GPHN: variants seen among roughly 807,000 people sequenced by gnomAD.
GPHN encodes gephyrin.
A neutral mutation model predicts 95.5 loss-of-function variants in GPHN; 17 were observed. That is an observed-to-expected ratio of 0.18 (90% confidence interval 0.12 to 0.27). The LOEUF is 0.27. Among genes scored for constraint, GPHN ranks in the 10% least tolerant of loss-of-function variants. GPHN has a pLI of 1.00. For missense variants in GPHN, 660 were observed against 978.1 expected (o/e 0.67, Z 4.34); for synonymous variants, 320 against 322.5 (o/e 0.99, Z 0.08).
intron 1 of GPHN, among the ~76,000 whole-genome samples, chr14:66,537,156 G>A (rs1184148157): frequency 6.6e-6 from 1 of 151,964 alleles, no homozygotes; most frequent in Admixed American, 6.6e-5. Flanking sequence ...TCTTGGAAAT[G>A]TCATATAGTC....
At chr14:67,564,771 C>T in the GPHN span, among the ~76,000 whole-genome samples, 1 of 151,630 alleles carries the variant, frequency 6.6e-6, no homozygotes, top group African/African-American at 2.4e-5. Context: ...TCACTGCAGC[C>T]TCAACTTCCC....
chr14:67,385,782 C>G, the GPHN span: 1 of 151,256 alleles, frequency 6.6e-6, no homozygotes, highest in African/African-American at 2.4e-5. Flanking sequence ...CCCACCCAAA[C>G]CATTTTTCAT....
the GPHN span, chr14:67,555,713 C>T: frequency 1.3e-6 from 2 of 1,486,906 alleles, no homozygotes; most frequent in Non-Finnish European, 1.8e-6. Context: ...GAGATGGGCA[C>T]TTGAAGTCTG....
the GPHN span, among the ~76,000 whole-genome samples, chr14:67,669,273 T>A: frequency 6.7e-6 from 1 of 149,918 alleles, no homozygotes; most frequent in Non-Finnish European, 1.5e-5. Context: ...CTTCATAATT[T>A]TTTTTTTTTT....
rs1427679635 is a variant in GPHN, at chr14:67,143,511, A to C, written c.1836+62A>C. On this transcript the variant is annotated intron_variant, in intron 18 of 22. Transcript: ENST00000478722. ...TAATGTTCTTGCATATGGTCGATTAACTGTGGTCTGGTAGGCATCTGATAT... is the reference window on the plus strand; with the variant it reads ...TAATGTTCTTGCATATGGTCGATTACCTGTGGTCTGGTAGGCATCTGATAT... 3.9e-6 allele frequency: 4 copies of C among 1,037,330 alleles called. No homozygotes were observed. In the East Asian group the frequency reaches 7.1e-5, roughly 19 times the overall value. 64.3% of individuals were successfully genotyped at this position (1,037,330 alleles called of 1,614,324 possible).
At chr14:66,697,326 T>C (rs1342407066) in intron 2 of GPHN, among the ~76,000 whole-genome samples, 1 of 152,236 alleles carries the variant, frequency 6.6e-6, no homozygotes, top group Non-Finnish European at 1.5e-5. Flanking sequence ...TGTAGTACGT[T>C]GTGTGACTTC....
At chr14:67,195,710 T>TG in the GPHN span, among the ~76,000 whole-genome samples, 6 of 126,922 alleles carry the variant, frequency 4.7e-5, no homozygotes, top group African/African-American at 1.6e-4. Flanking sequence ...GCTTTCTTTT[T>TG]GGTTGTGTGT....
intron 2 of GPHN, among the ~76,000 whole-genome samples, chr14:66,722,908 T>A (rs2070887238): frequency 1.3e-5 from 2 of 152,202 alleles, no homozygotes; most frequent in African/African-American, 2.4e-5. Flanking sequence ...TTTTTTCTCT[T>A]TCTCTTTGGC....
the GPHN span, among the ~76,000 whole-genome samples, chr14:67,387,957 A>G: frequency 2.0e-5 from 3 of 152,286 alleles, no homozygotes; most frequent in South Asian, 2.1e-4. Context: ...AGCCTCACCT[A>G]TTATTTTTAG....
chr14:66,539,430 T>C (rs1275163484), intron 1 of GPHN, among the ~76,000 whole-genome samples: 2 of 149,324 alleles, frequency 1.3e-5, no homozygotes, highest in Non-Finnish European at 3.0e-5. Context: ...TTTTTTTTTT[T>C]TGAGACAGAG....
the GPHN span, among the ~76,000 whole-genome samples, chr14:67,708,750 C>G: frequency 1.1e-4 from 17 of 151,690 alleles, no homozygotes; most frequent in African/African-American, 3.9e-4. Flanking sequence ...ACCAAATAAG[C>G]CAAATATGTC....
At chr14:67,458,701 T>C in the GPHN span, among the ~76,000 whole-genome samples, 4 of 152,256 alleles carry the variant, frequency 2.6e-5, no homozygotes, top group South Asian at 6.2e-4. Context: ...TGATACTTTA[T>C]ATGCTATTTT....
At chr14:66,952,910 G>A (rs150027831) in intron 8 of GPHN, among the ~76,000 whole-genome samples, 6,657 of 151,768 alleles carry the variant, frequency 0.044, 190 homozygotes, top group Middle Eastern at 0.065. Flanking sequence ...TTGCCAGGCC[G>A]GTCTCAAACT....
At chr14:67,178,485 C>T (rs1185445380) in intron 21 of GPHN, among the ~76,000 whole-genome samples, 2 of 152,138 alleles carry the variant, frequency 1.3e-5, no homozygotes, top group African/African-American at 4.8e-5. Flanking sequence ...TCTCTGGCTG[C>T]CTTTAACATT....
At chr14:67,683,768 C>T in the GPHN span, among the ~76,000 whole-genome samples, 1 of 152,224 alleles carries the variant, frequency 6.6e-6, no homozygotes, top group Admixed American at 6.5e-5. Flanking sequence ...CACTTCTTAG[C>T]CTGGCTCTTC....
chr14:67,089,446 A>G (rs1281399271), intron 12 of GPHN, among the ~76,000 whole-genome samples: 1 of 152,176 alleles, frequency 6.6e-6, no homozygotes. Context: ...TAAATGTGGT[A>G]TCTGTCACAT....
the GPHN span, among the ~76,000 whole-genome samples, chr14:67,389,892 C>T: frequency 6.6e-6 from 1 of 151,992 alleles, no homozygotes; most frequent in African/African-American, 2.4e-5. Context: ...GCCACCATGC[C>T]CCACAGAGAG....
chr14:67,380,628 C>G, the GPHN span: 1 of 1,264,566 alleles, frequency 7.9e-7, no homozygotes, highest in Non-Finnish European at 1.1e-6. Flanking sequence ...ATAACCTTGA[C>G]CTTTTGTTAT....
chr14:67,580,751 C>G, the GPHN span: 1 of 570,126 alleles, frequency 1.8e-6, no homozygotes, highest in Non-Finnish European at 3.1e-6. Flanking sequence ...AGGGTTCCCT[C>G]TGTTTGTGAG....
Sources: gnomAD v4.1 joint callset for allele counts (sites outside exome capture counted in the v4.1 genomes callset) on GRCh38, gnomAD v4.1.1 for gene constraint, MANE v1.5 for transcripts, NCBI Gene and HGNC (gene_info 2026-07-23, HGNC 2026-07-21) for gene names.